The following SGCG variants were observed in gnomAD, a reference collection of about 807,000 sequenced individuals.
SGCG encodes gamma-sarcoglycan.
In SGCG, 26 loss-of-function variants were observed where a neutral mutation model predicts 29.3. The ratio of observed to expected loss-of-function variants is 0.89; its 90% CI spans 0.65 to 1.23. The LOEUF (loss-of-function observed/expected upper bound fraction) is 1.23, where lower values mean the gene tolerates loss of function less well. Ranked by LOEUF, SGCG falls within the 50% of genes most tolerant of loss-of-function variation. The probability of loss-of-function intolerance (pLI) is 0.00; values close to 1 mark genes in which losing one functional copy is unlikely to be tolerated. For synonymous variants in SGCG, 145 were observed against 129.7 expected (o/e 1.12, Z -0.80); for missense variants, 353 against 356.0 (o/e 0.99, Z 0.07).
At chr13:23,244,843 A>C (rs138570407) in intron 3 of SGCG, 1 of 152,098 alleles carries the variant, frequency 6.6e-6, no homozygotes, top group Non-Finnish European at 1.5e-5. Flanking sequence ...AAAGGAGGAA[A>C]CATTCCTGAG....
chr13:23,257,618 G>T (rs548915291), intron 4 of SGCG, among the ~76,000 whole-genome samples: 1 of 152,188 alleles, frequency 6.6e-6, no homozygotes, highest in African/African-American at 2.4e-5. Flanking sequence ...TGAAGTCCTT[G>T]CCCATGCCTA....
chr13:23,192,696 G>A (rs550220478), intron 1 of SGCG, among the ~76,000 whole-genome samples: 1 of 152,296 alleles, frequency 6.6e-6, no homozygotes, highest in South Asian at 2.1e-4. Context: ...GCGCCCGGCT[G>A]GTAGGGTCTT....
At chr13:23,313,294 A>T (rs1882673797) in intron 6 of SGCG, among the ~76,000 whole-genome samples, 1 of 151,724 alleles carries the variant, frequency 6.6e-6, no homozygotes, top group South Asian at 2.1e-4. Flanking sequence ...CCTCCCAGGT[A>T]GCTGGGATTA....
At chr13:23,169,659 CAG>C in the SGCG span, among the ~76,000 whole-genome samples, 1 of 149,616 alleles carries the variant, frequency 6.7e-6, no homozygotes, top group African/African-American at 2.5e-5. Context: ...AGCCCAGCAA[CAG>C]AGAGAGACTC....
chr13:23,194,895 G>A (rs575590299), intron 1 of SGCG, among the ~76,000 whole-genome samples: 1 of 152,326 alleles, frequency 6.6e-6, no homozygotes, highest in South Asian at 2.1e-4. Flanking sequence ...GGACACAGAA[G>A]AAAACAGTAG....
At chr13:23,224,327 A>G (rs981173560) in intron 2 of SGCG, among the ~76,000 whole-genome samples, 7 of 152,194 alleles carry the variant, frequency 4.6e-5, no homozygotes, top group African/African-American at 1.7e-4. Context: ...ACTGTTCTCT[A>G]CATTATAGTA....
intron 6 of SGCG, among the ~76,000 whole-genome samples, chr13:23,313,103 A>G (rs934420241): frequency 7.2e-5 from 11 of 151,992 alleles, no homozygotes; most frequent in African/African-American, 2.4e-4. Flanking sequence ...TTTGGGCTTA[A>G]TAAGAGCCTG....
intron 4 of SGCG, among the ~76,000 whole-genome samples, chr13:23,259,837 C>T (rs990674169): frequency 6.6e-6 from 1 of 152,100 alleles, no homozygotes; most frequent in Non-Finnish European, 1.5e-5. Context: ...GTTCAGTTTC[C>T]ATGTAGTTGA....
the SGCG span, among the ~76,000 whole-genome samples, chr13:23,173,890 T>A: frequency 6.6e-6 from 1 of 152,200 alleles, no homozygotes; most frequent in Non-Finnish European, 1.5e-5. Context: ...TATATCTTAC[T>A]CAGTGTAAAC....
chr13:23,167,112 T>C, the SGCG span, among the ~76,000 whole-genome samples: 1 of 152,198 alleles, frequency 6.6e-6, no homozygotes, highest in South Asian at 2.1e-4. Flanking sequence ...TCAATTGTTT[T>C]GATTTTTAGA....
At chr13:23,291,429 A>C (rs1388536258) in intron 5 of SGCG, among the ~76,000 whole-genome samples, 1 of 152,226 alleles carries the variant, frequency 6.6e-6, no homozygotes, top group Non-Finnish European at 1.5e-5. Flanking sequence ...AAGAAAATGC[A>C]ATTAAATTGA....
At chr13:23,201,844 G>A (rs1700667611) in intron 1 of SGCG, among the ~76,000 whole-genome samples, 1 of 152,110 alleles carries the variant, frequency 6.6e-6, no homozygotes, top group Non-Finnish European at 1.5e-5. Context: ...AGACTCCCTG[G>A]CCACCCTTCC....
chr13:23,250,103 T>G (rs538812153), intron 3 of SGCG, among the ~76,000 whole-genome samples: 17 of 152,374 alleles, frequency 1.1e-4, no homozygotes, highest in African/African-American at 4.1e-4. Context: ...CTTAGTTTAT[T>G]TTTTATCTGG....
intron 3 of SGCG, among the ~76,000 whole-genome samples, 153 bp downstream of exon 3, chr13:23,234,865 A>C (rs568027633): frequency 1.8e-4 from 27 of 152,316 alleles, no homozygotes; most frequent in African/African-American, 6.5e-4. Context: ...ACTATTGCAG[A>C]ATTTATCTCT....
At position 23,205,808 on chromosome 13, in the gene SGCG, A is replaced by G. The variant is rs183043722; in HGVS notation, c.195+1919A>G. On this transcript the variant is annotated intron_variant, in intron 2 of 7. Transcript: ENST00000218867. Reference sequence around the variant, plus strand: ...ATTGAGCATGGCATTTGCTTCAGTTAGGAACCTGTTGCTAATTGGTAGCGA... The same window carrying G: ...ATTGAGCATGGCATTTGCTTCAGTTGGGAACCTGTTGCTAATTGGTAGCGA... 3.3e-3 allele frequency among the ~76,000 whole-genome samples: 506 copies of G among 152,180 alleles called. 2 individuals carry two copies. Among genetic ancestry groups the G allele is most frequent in the African/African-American group, 0.011 (477 of 41,502 alleles).
At chr13:23,255,842 A>G (rs1040261812) in intron 4 of SGCG, among the ~76,000 whole-genome samples, 2 of 152,232 alleles carry the variant, frequency 1.3e-5, no homozygotes, top group African/African-American at 4.8e-5. Context: ...GAAACAACAC[A>G]GGAACTTAAT....
At chr13:23,207,959 A>G (rs1878044372) in intron 2 of SGCG, among the ~76,000 whole-genome samples, 1 of 152,156 alleles carries the variant, frequency 6.6e-6, no homozygotes, top group African/African-American at 2.4e-5. Context: ...TATTTATCCA[A>G]AAGAATGGAA....
intron 1 of SGCG, among the ~76,000 whole-genome samples, chr13:23,182,628 T>G (rs940510684): frequency 1.3e-5 from 2 of 152,240 alleles, no homozygotes; most frequent in Non-Finnish European, 2.9e-5. Context: ...TAATTTTATA[T>G]GTTATGCTGT....
intron 4 of SGCG, among the ~76,000 whole-genome samples, chr13:23,278,937 A>G (rs527410079): frequency 6.6e-6 from 1 of 152,318 alleles, no homozygotes; most frequent in South Asian, 2.1e-4. Flanking sequence ...TTTATCTTCT[A>G]GGTTAACTTT....
Sources: allele counts gnomAD v4.1 joint callset (sites outside exome capture counted in the v4.1 genomes callset), GRCh38; gene constraint gnomAD v4.1.1; transcripts MANE v1.5; gene names NCBI Gene and HGNC (gene_info 2026-07-23, HGNC 2026-07-21).